The following ASAP1 variants were observed in gnomAD, a reference collection of about 807,000 sequenced individuals.
The protein encoded by ASAP1 is arf-GAP with SH3 domain, ANK repeat and PH domain-containing protein 1.
Under a neutral mutation model 145.2 loss-of-function variants are expected in ASAP1, and 43 were observed. The ratio of observed to expected loss-of-function variants is 0.30; its 90% CI spans 0.23 to 0.38. ASAP1 has a LOEUF of 0.38. Ranked by LOEUF, ASAP1 falls within the 10% of genes least tolerant of loss-of-function variation. ASAP1 has a pLI of 1.00. For missense variants in ASAP1, 1,018 were observed against 1,355.3 expected, an observed-to-expected ratio of 0.75 and a Z score of 3.91; for synonymous variants, 546 against 515.5, an observed-to-expected ratio of 1.06 and a Z score of -0.80.
At chr8:130,291,380 C>T (rs1586765841) in intron 3 of ASAP1, among the ~76,000 whole-genome samples, 1 of 152,208 alleles carries the variant, frequency 6.6e-6, no homozygotes, top group African/African-American at 2.4e-5. Context: ...GCCCCTCATC[C>T]TTGCCTCCAC....
chr8:130,129,541 T>C (rs2097580088), intron 15 of ASAP1, among the ~76,000 whole-genome samples: 1 of 152,234 alleles, frequency 6.6e-6, no homozygotes, highest in African/African-American at 2.4e-5. Context: ...AATTTTTTGT[T>C]ACTATATAGA....
chr8:130,279,487 G>A (rs1821126837), intron 3 of ASAP1, among the ~76,000 whole-genome samples: 2 of 152,152 alleles, frequency 1.3e-5, no homozygotes, highest in Admixed American at 1.3e-4. Flanking sequence ...ATGGAGTGGG[G>A]GGAATGCAAA....
chr8:130,442,966 T>C (rs979010399), intron 1 of ASAP1, among the ~76,000 whole-genome samples: 1 of 152,100 alleles, frequency 6.6e-6, no homozygotes, highest in East Asian at 1.9e-4. Context: ...TTTCTCTTCT[T>C]TTGCTTTAGG....
chr8:130,392,840 C>A (rs893851708), intron 2 of ASAP1, among the ~76,000 whole-genome samples: 1 of 152,012 alleles, frequency 6.6e-6, no homozygotes, highest in Non-Finnish European at 1.5e-5. Context: ...ACAGTTGTCA[C>A]GGGAACTAAC....
intron 1 of ASAP1, among the ~76,000 whole-genome samples, chr8:130,422,156 G>C (rs1829745637): frequency 2.0e-5 from 3 of 152,140 alleles, no homozygotes; most frequent in Non-Finnish European, 2.9e-5. Context: ...AACCTTACAG[G>C]CCTTCAGAGA....
At chr8:130,144,322 C>A in intron 13 of ASAP1, among the ~76,000 whole-genome samples, 1 of 152,150 alleles carries the variant, frequency 6.6e-6, no homozygotes, top group East Asian at 1.9e-4. Flanking sequence ...ACCTAAACTG[C>A]CAGATACATT....
chr8:130,153,329 TTAAA>T (rs2097650600), intron 12 of ASAP1, among the ~76,000 whole-genome samples: 1 of 91,874 alleles, frequency 1.1e-5, no homozygotes, highest in Non-Finnish European at 2.1e-5. Context: ...GCACTGCTTT[TTAAA>T]TATATATATA....
At chr8:130,435,900 A>G (rs1300363961) in intron 1 of ASAP1, among the ~76,000 whole-genome samples, 1 of 152,200 alleles carries the variant, frequency 6.6e-6, no homozygotes, top group Non-Finnish European at 1.5e-5. Context: ...AGAAGCTCCC[A>G]TAGAAACTTT....
intron 3 of ASAP1, among the ~76,000 whole-genome samples, chr8:130,262,389 T>A (rs1819953664): frequency 2.7e-5 from 1 of 37,636 alleles, no homozygotes. Flanking sequence ...TGAGACTCCA[T>A]CTCAAAAAAA....
intron 3 of ASAP1, among the ~76,000 whole-genome samples, chr8:130,276,760 T>TCTCTCTCCCTCTCC (rs1333515760): frequency 7.7e-6 from 1 of 130,332 alleles, no homozygotes; most frequent in African/African-American, 2.9e-5. Context: ...TCTCTCTCTC[T>TCTCTCTCCCTCTCC]CCTCTAACAA....
At chr8:130,145,344 G>C (rs1167428441) in intron 13 of ASAP1, among the ~76,000 whole-genome samples, 3 of 152,054 alleles carry the variant, frequency 2.0e-5, no homozygotes, top group African/African-American at 7.2e-5. Flanking sequence ...TTTAGACGGA[G>C]TCTCGCTCTG....
intron 5 of ASAP1, among the ~76,000 whole-genome samples, chr8:130,196,266 T>C (rs1815482640): frequency 1.3e-5 from 2 of 151,006 alleles, no homozygotes; most frequent in Non-Finnish European, 2.9e-5. Context: ...CGCTTGAACC[T>C]GGGAGGTGGA....
At chr8:130,257,221 T>C (rs1819618669) in intron 3 of ASAP1, among the ~76,000 whole-genome samples, 1 of 152,152 alleles carries the variant, frequency 6.6e-6, no homozygotes, top group Non-Finnish European at 1.5e-5. Flanking sequence ...CCAGTCATTA[T>C]GGTACTACTT....
chr8:130,177,255 C>T (rs16904210), intron 9 of ASAP1, among the ~76,000 whole-genome samples: 15,878 of 152,224 alleles, frequency 0.1, 973 homozygotes, highest in South Asian at 0.28. Context: ...CTAGCGAAGG[C>T]TAATATATGT....
At chr8:130,418,693 G>C (rs767331083) in intron 1 of ASAP1, among the ~76,000 whole-genome samples, 1 of 151,474 alleles carries the variant, frequency 6.6e-6, no homozygotes, top group African/African-American at 2.4e-5. Flanking sequence ...ACACACCCCC[G>C]GCAAAAATAA....
chr8:130,217,560 A>ACACACAC (rs1565100713), intron 4 of ASAP1, among the ~76,000 whole-genome samples: 1 of 151,716 alleles, frequency 6.6e-6, no homozygotes, highest in African/African-American at 2.4e-5. Flanking sequence ...ACACACACAC[A>ACACACAC]GATCTTTTCC....
chr8:130,322,061 A>G (rs1241627178), intron 3 of ASAP1, among the ~76,000 whole-genome samples: 1 of 152,260 alleles, frequency 6.6e-6, no homozygotes, highest in African/African-American at 2.4e-5. Context: ...TGAAGATGCT[A>G]CTGTGCTGCC....
rs996861689 is a variant in ASAP1, at chr8:130,198,133, GA to G, written c.406-9951del. 1.5e-4 allele frequency among the ~76,000 whole-genome samples: 23 copies of G among 149,496 alleles called. 1 individual carries two copies. The highest frequency in any genetic ancestry group is 8.4e-4 in the South Asian group (4 of 4,742). ...AATTTAACTAGGTTTATTTTCATAA[GA>G]TTTTTTTTTTTTTTTTTGAGACAGA... is the stretch of plus-strand genomic sequence containing the variant. On this transcript the variant is annotated intron_variant, in intron 5 of 29. Coordinates refer to ENST00000518721, the MANE Select transcript of ASAP1 (RefSeq NM_018482.4).
At chr8:130,382,034 C>G (rs1359608724) in intron 2 of ASAP1, among the ~76,000 whole-genome samples, 1 of 152,140 alleles carries the variant, frequency 6.6e-6, no homozygotes, top group Non-Finnish European at 1.5e-5. Flanking sequence ...AGCCTGTAAT[C>G]CCAGCACTTT....
Sources: allele counts gnomAD v4.1 joint callset (sites outside exome capture counted in the v4.1 genomes callset), GRCh38; gene constraint gnomAD v4.1.1; transcripts MANE v1.5; gene names NCBI Gene and HGNC (gene_info 2026-07-23, HGNC 2026-07-21).